CLNK: variants seen among roughly 807,000 people sequenced by gnomAD.
CLNK encodes cytokine-dependent hematopoietic cell linker.
A neutral mutation model predicts 68.6 loss-of-function variants in CLNK; 74 were observed. The ratio of observed to expected loss-of-function variants is 1.08; its 90% confidence interval spans 0.89 to 1.31. CLNK has a LOEUF of 1.31. CLNK is among the 50% of genes most tolerant of loss of function. The probability of loss-of-function intolerance (pLI) is 0.00; values close to 1 mark genes in which losing one functional copy is unlikely to be tolerated. For synonymous variants in CLNK, 198 were observed against 172.2 expected (o/e 1.15, Z -1.17); for missense variants, 553 against 515.3 (o/e 1.07, Z -0.71).
chr4:10,616,704 CATT>C (rs1722239206), intron 2 of CLNK, among the ~76,000 whole-genome samples: 1 of 150,890 alleles, frequency 6.6e-6, no homozygotes, highest in South Asian at 2.1e-4. Context: ...CTGCATATTT[CATT>C]ATTATTTGTA....
rs138899130 is a variant in CLNK, at chr4:10,598,709, A to T, written c.12-660T>A. 9.2e-6 allele frequency: 4 copies of T among 434,172 alleles called. No individual in the cohort carries two copies. The East Asian group carries it at 3.0e-4, about 33-fold the overall frequency. 26.9% of individuals were successfully genotyped at this position (434,172 alleles called of 1,614,324 possible). On this transcript the variant is annotated intron_variant, in intron 2 of 18. Coordinates refer to ENST00000226951, the MANE Select transcript of CLNK (RefSeq NM_052964.4). ...AATACATTCACTGTCATAAAGCATC[A>T]TTGTTATGCATTCCTAGTTCATTTA...
rs1015535815 is a variant in CLNK at position 10,490,453 on chromosome 4, A to G, written c.*14T>C. 2 of 1,610,236 alleles carry G rather than the reference A, an allele frequency of 1.2e-6. No homozygotes were observed. Among genetic ancestry groups the G allele is most frequent in the Non-Finnish European group, 1.7e-6 (2 of 1,178,878 alleles). On this transcript the variant is annotated 3_prime_UTR_variant, in exon 19 of 19. Coordinates refer to ENST00000226951, the MANE Select transcript of CLNK (RefSeq NM_052964.4). ...CGCTGAATCCAGTAAACCAAAGATA[A>G]CACAAAGACCAGGCTACAGAGGCAA... is the stretch of plus-strand genomic sequence containing the variant.
the CLNK span, among the ~76,000 whole-genome samples, chr4:10,689,922 G>A: frequency 6.6e-6 from 1 of 151,736 alleles, no homozygotes; most frequent in African/African-American, 2.4e-5. Context: ...CTCATAGCCT[G>A]TCTCCTTCAG....
At chr4:10,542,769 C>T (rs1484583485) in intron 8 of CLNK, among the ~76,000 whole-genome samples, 1 of 149,764 alleles carries the variant, frequency 6.7e-6, no homozygotes, top group African/African-American at 2.5e-5. Context: ...ACAGATTTTT[C>T]AAAATAGAAT....
the CLNK span, among the ~76,000 whole-genome samples, chr4:10,728,321 A>G: frequency 6.6e-6 from 1 of 152,160 alleles, no homozygotes. Flanking sequence ...TGAGTTTTTA[A>G]TTAGGTGTTC....
chr4:10,670,127 CAT>C (rs1287303789), intron 1 of CLNK, among the ~76,000 whole-genome samples: 1 of 152,126 alleles, frequency 6.6e-6, no homozygotes, highest in Non-Finnish European at 1.5e-5. Context: ...TAAACTGAAA[CAT>C]ATGAAAATGT....
At chr4:10,579,766 T>A (rs1484349123) in intron 4 of CLNK, among the ~76,000 whole-genome samples, 3 of 152,308 alleles carry the variant, frequency 2.0e-5, no homozygotes, top group African/African-American at 7.2e-5. Context: ...TGTCCCCACA[T>A]GTGCCTGGCA....
intron 2 of CLNK, among the ~76,000 whole-genome samples, chr4:10,632,266 A>G (rs555426549): frequency 8.5e-5 from 13 of 152,208 alleles, no homozygotes; most frequent in Non-Finnish European, 1.9e-4. Context: ...TTTCCCTCCA[A>G]ACTATCTTGA....
intron 11 of CLNK, among the ~76,000 whole-genome samples, chr4:10,532,687 G>A (rs900526863): frequency 6.6e-6 from 1 of 152,170 alleles, no homozygotes; most frequent in African/African-American, 2.4e-5. Context: ...ATATGAAGCT[G>A]TCAGGTGCAG....
intron 2 of CLNK, among the ~76,000 whole-genome samples, chr4:10,614,856 A>G (rs913307446): frequency 6.6e-6 from 1 of 152,212 alleles, no homozygotes; most frequent in Non-Finnish European, 1.5e-5. Flanking sequence ...TCTGGTTGCT[A>G]TCAGTTCTGG....
intron 3 of CLNK, among the ~76,000 whole-genome samples, chr4:10,590,111 T>C (rs1304116871): frequency 6.6e-6 from 1 of 152,230 alleles, no homozygotes; most frequent in Non-Finnish European, 1.5e-5. Flanking sequence ...AGAAAGTGCA[T>C]GGCACAGGAA....
At chr4:10,584,454 G>A (rs1720899454) in intron 4 of CLNK, among the ~76,000 whole-genome samples, 1 of 152,172 alleles carries the variant, frequency 6.6e-6, no homozygotes, top group Non-Finnish European at 1.5e-5. Flanking sequence ...ACTTTAATGG[G>A]CTCCTGTTAA....
chr4:10,504,529 G>A (rs141167059), intron 17 of CLNK, among the ~76,000 whole-genome samples: 1 of 152,152 alleles, frequency 6.6e-6, no homozygotes, highest in East Asian at 1.9e-4. Flanking sequence ...AAAGCATCAC[G>A]GTTACTAAAT....
At chr4:10,645,358 C>T (rs1020056846) in intron 2 of CLNK, among the ~76,000 whole-genome samples, 1 of 152,190 alleles carries the variant, frequency 6.6e-6, no homozygotes, top group Non-Finnish European at 1.5e-5. Flanking sequence ...TAAATGCCTG[C>T]AAAGTGAATA....
At chr4:10,733,972 G>A in the CLNK span, among the ~76,000 whole-genome samples, 1 of 152,124 alleles carries the variant, frequency 6.6e-6, no homozygotes, top group Non-Finnish European at 1.5e-5. Context: ...TGGCCAGCTG[G>A]CCCATTAGAG....
At chr4:10,636,766 G>T (rs927855669) in intron 2 of CLNK, among the ~76,000 whole-genome samples, 2 of 152,196 alleles carry the variant, frequency 1.3e-5, no homozygotes, top group Non-Finnish European at 2.9e-5. Context: ...AACTGAATTT[G>T]GAAGGATGGA....
chr4:10,698,548 C>T, the CLNK span, among the ~76,000 whole-genome samples: 1 of 152,102 alleles, frequency 6.6e-6, no homozygotes, highest in African/African-American at 2.4e-5. Context: ...TCTGCTTTTT[C>T]CTTTCATGCT....
chr4:10,579,069 C>T (rs1437169941), intron 4 of CLNK, among the ~76,000 whole-genome samples: 2 of 152,158 alleles, frequency 1.3e-5, no homozygotes, highest in Non-Finnish European at 2.9e-5. Flanking sequence ...ATTGACAGCC[C>T]CATGCACTTT....
At chr4:10,521,055 A>G (rs945599474) in intron 14 of CLNK, among the ~76,000 whole-genome samples, 4 of 152,218 alleles carry the variant, frequency 2.6e-5, no homozygotes, top group African/African-American at 9.6e-5. Context: ...AACTGACCAT[A>G]TAAGTTCTTC....
Sources: allele counts gnomAD v4.1 joint callset (sites outside exome capture counted in the v4.1 genomes callset), GRCh38; gene constraint gnomAD v4.1.1; transcripts MANE v1.5; gene names NCBI Gene and HGNC (gene_info 2026-07-23, HGNC 2026-07-21).